WDFY4: variants seen among roughly 807,000 people sequenced by gnomAD.
The protein encoded by WDFY4 is WDFY family member 4.
WDFY4 carries 169 observed loss-of-function variants against 351.9 expected under a neutral mutation model. That is an observed-to-expected ratio of 0.48 (90% CI 0.42 to 0.55). WDFY4 has a LOEUF of 0.55. Ranked by LOEUF, WDFY4 falls within the 20% of genes least tolerant of loss-of-function variation. The pLI is 0.00. For synonymous variants in WDFY4, 1,622 were observed against 1,574.6 expected, an observed-to-expected ratio of 1.03 and a Z score of -0.71; for missense variants, 3,803 against 3,935.6, an observed-to-expected ratio of 0.97 and a Z score of 0.90.
At chr10:48,791,800 T>G (rs1468519839) in intron 23 of WDFY4, among the ~76,000 whole-genome samples, 1 of 152,138 alleles carries the variant, frequency 6.6e-6, no homozygotes, top group Admixed American at 6.5e-5. Flanking sequence ...CCTGTGTCTC[T>G]CGCTACTGGG....
At chr10:48,954,438 T>C (rs1237953082) in intron 51 of WDFY4, among the ~76,000 whole-genome samples, 1 of 152,238 alleles carries the variant, frequency 6.6e-6, no homozygotes, top group Non-Finnish European at 1.5e-5. Flanking sequence ...GTTCAGGAAT[T>C]CTCTTTGATC....
chr10:48,922,770 A>G (rs1297180627), intron 47 of WDFY4, among the ~76,000 whole-genome samples: 2 of 152,196 alleles, frequency 1.3e-5, no homozygotes, highest in South Asian at 2.1e-4. Flanking sequence ...CATTTTGCCT[A>G]ATAAAAAAAT....
intron 2 of WDFY4, among the ~76,000 whole-genome samples, chr10:48,714,350 C>A (rs149324794): frequency 6.6e-6 from 1 of 152,216 alleles, no homozygotes; most frequent in African/African-American, 2.4e-5. Context: ...ATGTCTCCCC[C>A]ACACATAGGA....
chr10:48,796,482 G>A, intron 24 of WDFY4, 32 bp downstream of exon 24: 1 of 1,541,774 alleles, frequency 6.5e-7, no homozygotes, highest in Non-Finnish European at 8.7e-7. Flanking sequence ...AGTCCTTCAG[G>A]AGTGTGTGTG....
At chr10:48,864,101 A>G (rs921377089) in intron 39 of WDFY4, among the ~76,000 whole-genome samples, 3 of 152,240 alleles carry the variant, frequency 2.0e-5, no homozygotes, top group African/African-American at 7.2e-5. Flanking sequence ...GCCTAACCAT[A>G]TCACTTTTCA....
At chr10:48,874,451 T>C (rs2069913445) in intron 41 of WDFY4, among the ~76,000 whole-genome samples, 1 of 152,224 alleles carries the variant, frequency 6.6e-6, no homozygotes, top group Non-Finnish European at 1.5e-5. Flanking sequence ...TCTGCATTCA[T>C]CACAAGTAAC....
At chr10:48,760,302 AC>A in intron 12 of WDFY4, 44 bp from the exon 13 acceptor site, 1 of 1,518,394 alleles carries the variant, frequency 6.6e-7, no homozygotes, top group Non-Finnish European at 8.9e-7. Flanking sequence ...ATAGAAAGAA[AC>A]TGGAAGGTCC....
chr10:48,804,563 A>C (rs1399726849), intron 25 of WDFY4, among the ~76,000 whole-genome samples: 1 of 50,280 alleles, frequency 2.0e-5, no homozygotes, highest in East Asian at 1.8e-3. Context: ...GTGTTAATAC[A>C]AAAAAAAAAA....
In WDFY4 at chr10:48,729,496, T is replaced by G; in HGVS notation, c.1036T>G (p.Trp346Gly). 6.4e-7 allele frequency: 1 copy of G among 1,551,682 alleles called. No individual in the cohort carries two copies. Among genetic ancestry groups the G allele is most frequent in the Non-Finnish European group, 8.7e-7 (1 of 1,146,990 alleles). Reference sequence around the variant, plus strand: ...GGAGGAGCTCCTTGGGCTGGTGGTGTGGCTGACAACCTGTGGGAGGTCAGA... The same window carrying G: ...GGAGGAGCTCCTTGGGCTGGTGGTGGGGCTGACAACCTGTGGGAGGTCAGA... ...HLEELLGLVV[W>G]LTTCGRSELK... The change falls in exon 8 of 62, where the codon TGG (tryptophan) becomes GGG (glycine). Residue 346 changes from tryptophan (W) to glycine (G), a missense_variant. Physicochemically the swap from Trp to Gly is radical, Grantham distance 184 (BLOSUM62 -2). This residue lies in a region of WDFY4 where 488 missense variants were observed against 456.8 expected (regional missense o/e 1.07). Coordinates refer to ENST00000325239, the MANE Select transcript of WDFY4 (RefSeq NM_001394531.1).
At chr10:48,765,711 C>T (rs1488621387) in intron 13 of WDFY4, among the ~76,000 whole-genome samples, 3 of 152,176 alleles carry the variant, frequency 2.0e-5, no homozygotes, top group Admixed American at 6.5e-5. Context: ...CTGCCCCCCA[C>T]CAAGTTACCT....
chr10:48,767,064 T>C (rs974109603), intron 13 of WDFY4, among the ~76,000 whole-genome samples: 4 of 152,208 alleles, frequency 2.6e-5, no homozygotes, highest in African/African-American at 9.6e-5. Context: ...TATGAGATAC[T>C]AAATTCCAGC....
intron 23 of WDFY4, among the ~76,000 whole-genome samples, chr10:48,795,858 T>A (rs951522771): frequency 4.6e-5 from 7 of 152,084 alleles, no homozygotes; most frequent in Admixed American, 6.5e-5. Flanking sequence ...AGTGCCTCCA[T>A]GCTGGGATGG....
intron 39 of WDFY4, among the ~76,000 whole-genome samples, chr10:48,850,756 C>A (rs2068930989): frequency 6.6e-6 from 1 of 152,212 alleles, no homozygotes; most frequent in Admixed American, 6.5e-5. Context: ...CTATCTAGAA[C>A]ATTGAGTGTT....
At chr10:48,811,123 T>C (rs535259122) in intron 29 of WDFY4, among the ~76,000 whole-genome samples, 1 of 152,384 alleles carries the variant, frequency 6.6e-6, no homozygotes, top group East Asian at 1.9e-4. Context: ...ACCTCTGTTA[T>C]ATTATCTCTG....
intron 1 of WDFY4, among the ~76,000 whole-genome samples, chr10:48,688,613 C>T (rs543489568): frequency 7.2e-5 from 11 of 152,014 alleles, no homozygotes; most frequent in Non-Finnish European, 1.0e-4. Flanking sequence ...GATTCTTGTT[C>T]AAAATGCAAG....
At chr10:48,977,424 CTCATCCATCCAT>C (rs1170391915) in intron 59 of WDFY4, among the ~76,000 whole-genome samples, 3 of 143,760 alleles carry the variant, frequency 2.1e-5, no homozygotes, top group African/African-American at 7.8e-5. Context: ...CACCCATCCA[CTCATCCATCCAT>C]CCATCCATCC....
chr10:48,891,286 A>G (rs1387459891), intron 44 of WDFY4, among the ~76,000 whole-genome samples: 1 of 152,192 alleles, frequency 6.6e-6, no homozygotes, highest in East Asian at 1.9e-4. Flanking sequence ...TTGGGAAGAA[A>G]CTTGAAGTCA....
intron 60 of WDFY4, chr10:48,979,552 TGGATGGATGGATGGAA>T (rs1197429930): frequency 2.0e-5 from 3 of 148,006 alleles, no homozygotes; most frequent in Non-Finnish European, 4.5e-5. Context: ...GATGGGTAAA[TGGATGGATGGATGGAA>T]GGATGGATGG....
At chr10:48,866,397 T>G (rs1483319370) in intron 39 of WDFY4, among the ~76,000 whole-genome samples, 3 of 152,250 alleles carry the variant, frequency 2.0e-5, no homozygotes, top group Admixed American at 2.0e-4. Flanking sequence ...CCAAATTTCT[T>G]TCTGCTAATT....
Sources: gnomAD v4.1 joint callset for allele counts (sites outside exome capture counted in the v4.1 genomes callset) on GRCh38, gnomAD v4.1.1 for gene constraint, gnomAD v4.1.1 regional missense constraint, MANE v1.5 for transcripts, NCBI Gene and HGNC (gene_info 2026-07-23, HGNC 2026-07-21) for gene names.